The following GPHN variants were observed in gnomAD, a reference collection of about 807,000 sequenced individuals.
GPHN encodes gephyrin.
In GPHN, 17 loss-of-function variants were observed where a neutral mutation model predicts 95.5. The ratio of observed to expected loss-of-function variants is 0.18; its 90% CI spans 0.12 to 0.27. The LOEUF (loss-of-function observed/expected upper bound fraction) is 0.27. Among genes scored for constraint, GPHN ranks in the 10% least tolerant of loss-of-function variants. The pLI, the probability that GPHN is intolerant of heterozygous loss-of-function variation, is 1.00. For missense variants in GPHN, 660 were observed against 978.1 expected, an observed-to-expected ratio of 0.67 and a Z score of 4.34; for synonymous variants, 320 against 322.5, an observed-to-expected ratio of 0.99 and a Z score of 0.08.
At chr14:66,879,353 T>TAA (rs58893187) in intron 4 of GPHN, among the ~76,000 whole-genome samples, 2 of 138,984 alleles carry the variant, frequency 1.4e-5, no homozygotes, top group Non-Finnish European at 1.6e-5. Context: ...GAAAGTATAT[T>TAA]AAAAAAAAAA....
the GPHN span, chr14:67,345,719 A>G: frequency 2.3e-6 from 3 of 1,300,022 alleles, no homozygotes; most frequent in Non-Finnish European, 3.3e-6. Flanking sequence ...CCTCCACTTG[A>G]CTGTTACAAA....
intron 1 of GPHN, among the ~76,000 whole-genome samples, chr14:66,553,303 A>G (rs535454133): frequency 9.2e-5 from 14 of 152,156 alleles, no homozygotes; most frequent in African/African-American, 3.4e-4. Flanking sequence ...AAACTTCTTA[A>G]AAGTTGGTGT....
chr14:67,136,373 C>A (rs2080078112), intron 17 of GPHN, among the ~76,000 whole-genome samples: 1 of 152,194 alleles, frequency 6.6e-6, no homozygotes, highest in Non-Finnish European at 1.5e-5. Flanking sequence ...AAAAAATAAA[C>A]AGTCCAAGCC....
At chr14:67,128,270 T>G (rs1429572453) in intron 17 of GPHN, among the ~76,000 whole-genome samples, 1 of 152,048 alleles carries the variant, frequency 6.6e-6, no homozygotes, top group Non-Finnish European at 1.5e-5. Context: ...CTTTTTTTTT[T>G]TTTTGAGACG....
At chr14:66,554,135 G>C (rs918592462) in intron 1 of GPHN, among the ~76,000 whole-genome samples, 2 of 151,906 alleles carry the variant, frequency 1.3e-5, no homozygotes, top group Non-Finnish European at 2.9e-5. Flanking sequence ...TTACTTTTCT[G>C]AACCTTCTGT....
intron 18 of GPHN, among the ~76,000 whole-genome samples, chr14:67,155,605 A>G (rs369179431): frequency 6.6e-6 from 1 of 152,212 alleles, no homozygotes; most frequent in South Asian, 2.1e-4. Flanking sequence ...GAAAAGGGAT[A>G]GAAAATATAG....
intron 18 of GPHN, among the ~76,000 whole-genome samples, chr14:67,158,565 G>A (rs972456390): frequency 2.0e-5 from 3 of 152,126 alleles, no homozygotes; most frequent in Non-Finnish European, 4.4e-5. Context: ...TATTTAAAAT[G>A]TAGACAGGTT....
At chr14:66,707,063 A>AG in intron 2 of GPHN, among the ~76,000 whole-genome samples, 1 of 152,022 alleles carries the variant, frequency 6.6e-6, no homozygotes, top group East Asian at 1.9e-4. Flanking sequence ...AAAAAAAAAA[A>AG]AAACAACATC....
chr14:67,375,976 T>C, the GPHN span, among the ~76,000 whole-genome samples: 1 of 152,216 alleles, frequency 6.6e-6, no homozygotes, highest in Non-Finnish European at 1.5e-5. Context: ...ATGAAGACCT[T>C]AATACTTTTT....
chr14:67,310,283 T>C, the GPHN span, among the ~76,000 whole-genome samples: 1 of 152,210 alleles, frequency 6.6e-6, no homozygotes, highest in African/African-American at 2.4e-5. Context: ...AATGAGGTTC[T>C]TTAGGGCACT....
downstream of GPHN, among the ~76,000 whole-genome samples, chr14:67,184,081 TC>T (rs1243517870): frequency 6.6e-6 from 1 of 151,982 alleles, no homozygotes; most frequent in East Asian, 1.9e-4. Context: ...CATCTCAGCC[TC>T]CCACAGTGCT....
chr14:67,298,267 AGTTATACT>A, the GPHN span, among the ~76,000 whole-genome samples: 1 of 152,214 alleles, frequency 6.6e-6, no homozygotes, highest in African/African-American at 2.4e-5. Flanking sequence ...AAGTCAAAAT[AGTTATACT>A]GTTACTAGGG....
rs534209565 is a variant in GPHN, at chr14:66,679,553, G to T, written c.65-1554G>T. ...TATTGTTTCTCCTCACTTTCTGTCT[G>T]CTTTATTCTAACTGGAATTATATTT... On this transcript the variant is annotated intron_variant, in intron 1 of 22. Transcript: ENST00000478722. Among the ~76,000 whole-genome samples, 119 of 152,108 alleles carry T rather than the reference G, an allele frequency of 7.8e-4. 1 individual carries two copies. The highest frequency in any genetic ancestry group is 3.4e-3 in the Middle Eastern group (1 of 294).
intron 21 of GPHN, among the ~76,000 whole-genome samples, chr14:67,176,689 G>C (rs765502764): frequency 2.0e-5 from 3 of 152,164 alleles, no homozygotes; most frequent in Non-Finnish European, 4.4e-5. Context: ...GAATTCGGCT[G>C]TGAGTCCTTC....
chr14:66,780,841 G>T (rs2059578906), intron 3 of GPHN, among the ~76,000 whole-genome samples: 1 of 152,150 alleles, frequency 6.6e-6, no homozygotes, highest in Non-Finnish European at 1.5e-5. Context: ...GAAGCATACG[G>T]ATGTAATGTT....
chr14:67,550,543 G>T, the GPHN span, among the ~76,000 whole-genome samples: 2 of 152,212 alleles, frequency 1.3e-5, no homozygotes, highest in Admixed American at 1.3e-4. Flanking sequence ...TAAAACTGGG[G>T]GTTGCAAACT....
intron 8 of GPHN, among the ~76,000 whole-genome samples, chr14:66,944,177 C>T (rs773467192): frequency 5.9e-5 from 9 of 152,306 alleles, no homozygotes; most frequent in South Asian, 2.1e-4. Flanking sequence ...CCTTACTACC[C>T]GACTTTAGCG....
At chr14:67,459,901 C>A in the GPHN span, among the ~76,000 whole-genome samples, 3 of 152,198 alleles carry the variant, frequency 2.0e-5, no homozygotes, top group Admixed American at 2.0e-4. Context: ...ATGACTGAAG[C>A]ATTCTTTTAG....
chr14:66,872,549 A>G (rs756238420), intron 4 of GPHN, among the ~76,000 whole-genome samples: 2 of 152,146 alleles, frequency 1.3e-5, no homozygotes, highest in Non-Finnish European at 1.5e-5. Context: ...CTTTAGGAAA[A>G]TGAAATTTTC....
Sources: allele counts gnomAD v4.1 joint callset (sites outside exome capture counted in the v4.1 genomes callset), GRCh38; gene constraint gnomAD v4.1.1; transcripts MANE v1.5; gene names NCBI Gene and HGNC (gene_info 2026-07-23, HGNC 2026-07-21).